Variants in CREB3L1 observed in about 807,000 individuals in gnomAD.
CREB3L1 encodes the protein cAMP responsive element binding protein 3 like 1, also known as cyclic AMP-responsive element-binding protein 3-like protein 1.
CREB3L1 carries 33 observed loss-of-function variants against 54.5 expected under a neutral mutation model. The ratio of observed to expected loss-of-function variants is 0.61; its 90% confidence interval spans 0.46 to 0.81. CREB3L1 has a LOEUF of 0.81. Ranked by LOEUF, CREB3L1 falls within the 30% of genes least tolerant of loss-of-function variation. The pLI, the probability that CREB3L1 is intolerant of heterozygous loss-of-function variation, is 0.00. For missense variants in CREB3L1, 656 were observed against 673.3 expected (o/e 0.97, Z 0.29); for synonymous variants, 284 against 286.4 (o/e 0.99, Z 0.08).
Position 46,312,919 on chromosome 11 carries a change from G to T in CREB3L1, c.1031G>T (p.Arg344Met), listed in dbSNP as rs760163690. ...KKVETLENANRTLLQQLQKLQ... is the reference protein window; with the variant it reads ...KKVETLENANMTLLQQLQKLQ... ...GTGGAGACCCTGGAGAATGCCAACAGGTGGGTAGTGCCTCCTGCATCCAAC... is the reference window on the plus strand; with the variant it reads ...GTGGAGACCCTGGAGAATGCCAACATGTGGGTAGTGCCTCCTGCATCCAAC... The change falls in exon 8 of 12, where the codon AGG (arginine) becomes ATG (methionine). Residue 344 changes from arginine to methionine, a missense_variant and splice_region_variant. This residue lies in a region of CREB3L1 where 77 missense variants were observed against 122.0 expected (regional missense o/e 0.63). Coordinates refer to ENST00000621158, the MANE Select transcript of CREB3L1 (RefSeq NM_052854.4). 4.1e-5 allele frequency: 64 copies of T among 1,579,352 alleles called. No homozygotes were observed. Among genetic ancestry groups the T allele is most frequent in the Non-Finnish European group, 3.9e-5 (45 of 1,163,020 alleles).
intron 1 of CREB3L1, among the ~76,000 whole-genome samples, chr11:46,293,725 A>G (rs564325642): frequency 2.0e-5 from 3 of 152,314 alleles, no homozygotes; most frequent in East Asian, 1.9e-4. Context: ...TGGTGTTCAC[A>G]TGACTCAGTC....
chr11:46,289,429 C>T (rs567529747), intron 1 of CREB3L1, among the ~76,000 whole-genome samples: 10 of 152,218 alleles, frequency 6.6e-5, no homozygotes, highest in African/African-American at 2.2e-4. Flanking sequence ...AGAAGGGTAA[C>T]GTTTAGAAGG....
At chr11:46,284,844 C>A (rs762155905) in intron 1 of CREB3L1, among the ~76,000 whole-genome samples, 11 of 152,166 alleles carry the variant, frequency 7.2e-5, no homozygotes, top group Non-Finnish European at 1.6e-4. Flanking sequence ...CCCTCTAGAG[C>A]AAGGAAAATT....
At chr11:46,319,858 GA>G (rs1939620560) in intron 10 of CREB3L1, among the ~76,000 whole-genome samples, 1 of 147,372 alleles carries the variant, frequency 6.8e-6, no homozygotes, top group Non-Finnish European at 1.5e-5. Context: ...CAGCCTGGGC[GA>G]CAGAGCAAGA....
rs569318714 is a variant in CREB3L1 at position 46,281,727 on chromosome 11, G to C, written c.102+3514G>C. Among the ~76,000 whole-genome samples the C allele has an allele frequency of 2.0e-5, 3 of 152,292 alleles. No individual in the cohort carries two copies. The South Asian group carries it at 6.2e-4, about 32-fold the overall frequency. On this transcript the variant is annotated intron_variant, in intron 1 of 11. Transcript: ENST00000621158. The stretch of plus-strand genomic sequence containing the variant: ...AGAGGCACCCCCACCCCCAGCCTTC[G>C]GGAGATTTAGGGAGATTAGAGAAGT...
At chr11:46,312,586 C>A (rs1394137305) in intron 6 of CREB3L1, 26 bp from the exon 7 acceptor site, 2 of 1,609,572 alleles carry the variant, frequency 1.2e-6, no homozygotes, top group Non-Finnish European at 1.7e-6. Context: ...CAGTGCTAAC[C>A]CTTGTTTTCG....
intron 2 of CREB3L1, 109 bp downstream of exon 2, chr11:46,300,272 C>CA (rs1167147763): frequency 2.0e-5 from 16 of 811,374 alleles, no homozygotes; most frequent in Non-Finnish European, 2.6e-5. Flanking sequence ...CCAGAGGCTC[C>CA]AAGAGGAGCC....
intron 1 of CREB3L1, among the ~76,000 whole-genome samples, chr11:46,293,470 A>G (rs1939159502): frequency 6.6e-6 from 1 of 152,238 alleles, no homozygotes; most frequent in Admixed American, 6.5e-5. Flanking sequence ...TACCAGTGTC[A>G]GGAGGGGCAA....
Position 46,320,921 on chromosome 11 carries a change from G to A in CREB3L1, c.*175G>A, listed in dbSNP as rs1182444895. The A allele has an allele frequency of 1.1e-5, 8 of 742,098 alleles. No individual in the cohort carries two copies. The highest frequency in any genetic ancestry group is 2.2e-4 in the Middle Eastern group (1 of 4,468). 46.0% of individuals were successfully genotyped at this position (742,098 alleles called of 1,614,324 possible). On this transcript the variant is annotated 3_prime_UTR_variant, in exon 12 of 12. Transcript: ENST00000621158. ...GACATTTGGACTCTTCCCTTGGGCC[G>A]ACCACTCTGTTCTCATTCTCCTTCC...
intron 10 of CREB3L1, among the ~76,000 whole-genome samples, chr11:46,319,253 G>A (rs1939611987): frequency 1.3e-5 from 2 of 152,168 alleles, no homozygotes; most frequent in South Asian, 4.1e-4. Flanking sequence ...CAGTTCCAGG[G>A]ACCTCTGTTC....
At chr11:46,291,507 C>T (rs1300806224) in intron 1 of CREB3L1, among the ~76,000 whole-genome samples, 3 of 152,216 alleles carry the variant, frequency 2.0e-5, no homozygotes, top group South Asian at 4.1e-4. Context: ...GTCCGTCTGA[C>T]TCCCTTGCTT....
chr11:46,317,311 C>T lies in CREB3L1; in HGVS notation c.1132-50C>T, dbSNP rs565713522. 23 of 1,609,530 alleles carry T rather than the reference C, an allele frequency of 1.4e-5. No homozygotes were observed. The Admixed American group carries it at 2.0e-4, about 14-fold the overall frequency. On this transcript the variant is annotated intron_variant, in intron 9 of 11. Transcript: ENST00000621158. ...AGAGGAGGAGTGGGGTGGTCAGGGC[C>T]GTGGCCCCTCCTTACCCCAGATCTG...
chr11:46,312,931 C>CT lies in CREB3L1; in HGVS notation c.1031+13dup, dbSNP rs1323463476. 2 of 1,568,522 alleles carry CT rather than the reference C, an allele frequency of 1.3e-6. No individual in the cohort carries two copies. The highest frequency in any genetic ancestry group is 1.7e-6 in the Non-Finnish European group (2 of 1,156,568). On this transcript the variant is annotated intron_variant, in intron 8 of 11. Coordinates refer to ENST00000621158, the MANE Select transcript of CREB3L1 (RefSeq NM_052854.4). ...GAGAATGCCAACAGGTGGGTAGTGCCTCCTGCATCCAACCTGGCCCCCTGC... is the reference window on the plus strand; with the variant it reads ...GAGAATGCCAACAGGTGGGTAGTGCCTTCCTGCATCCAACCTGGCCCCCTGC...
intron 1 of CREB3L1, among the ~76,000 whole-genome samples, chr11:46,296,580 A>G (rs1476080451): frequency 2.0e-5 from 3 of 152,206 alleles, no homozygotes; most frequent in Non-Finnish European, 4.4e-5. Context: ...GAGGCCAGGC[A>G]TCAGACGGAA....
Position 46,320,389 on chromosome 11 carries a change from C to T in CREB3L1, c.1384C>T (p.Arg462Trp), listed in dbSNP as rs929760986. 2.0e-5 allele frequency: 33 copies of T among 1,610,526 alleles called. No individual in the cohort carries two copies. Among genetic ancestry groups the T allele is most frequent in the East Asian group, 4.5e-5 (2 of 44,696 alleles). Residue 462 changes from arginine (R) to tryptophan (W), a missense_variant, in exon 11 of 12, where the codon CGG (arginine) becomes TGG (tryptophan). Arg to Trp is a moderately radical substitution (Grantham distance 101). This residue lies in a region of CREB3L1 where 240 missense variants were observed against 219.8 expected (regional missense o/e 1.09). Transcript: ENST00000621158. ...CAACCCCGGGGGGCCGGCAGAGCAGCGGCCCCGGGACCACCTGCAGCATGA... is the reference window on the plus strand; with the variant it reads ...CAACCCCGGGGGGCCGGCAGAGCAGTGGCCCCGGGACCACCTGCAGCATGA... ...EINPGGPAEQ[R>W]PRDHLQHDHL... is the part of the protein sequence containing the mutation.
In CREB3L1 at chr11:46,317,125, A is replaced by G. The variant is rs904630553; in HGVS notation, c.1132-236A>G. On this transcript the variant is annotated intron_variant, in intron 9 of 11. Coordinates refer to ENST00000621158, the MANE Select transcript of CREB3L1 (RefSeq NM_052854.4). Reference sequence around the variant, plus strand: ...CATTGGCCACTTCCCTCTTACTTCTAGCACTGCCTGTGGCGACCCCCCTAC... The same window carrying G: ...CATTGGCCACTTCCCTCTTACTTCTGGCACTGCCTGTGGCGACCCCCCTAC... Among the ~76,000 whole-genome samples, 6 of 152,062 alleles carry G rather than the reference A, an allele frequency of 3.9e-5. 1 individual carries two copies. Among genetic ancestry groups the G allele is most frequent in the Admixed American group, 3.9e-4 (6 of 15,278 alleles).
chr11:46,296,900 G>A (rs1423641837), intron 1 of CREB3L1, among the ~76,000 whole-genome samples: 1 of 152,188 alleles, frequency 6.6e-6, no homozygotes, highest in Non-Finnish European at 1.5e-5. Context: ...TTTCCTGTGG[G>A]CACCCTAAAA....
Position 46,312,354 on chromosome 11 carries a change from C to T in CREB3L1, c.783C>T (p.Leu261=), listed in dbSNP as rs943833221. 2 of 1,611,350 alleles carry T rather than the reference C, an allele frequency of 1.2e-6. No homozygotes were observed. The highest frequency in any genetic ancestry group is 1.7e-6 in the Non-Finnish European group (2 of 1,178,628). The change falls in exon 6 of 12, where the codon CTC becomes CTT. Residue 261 remains leucine, a synonymous_variant. Coordinates refer to ENST00000621158, the MANE Select transcript of CREB3L1 (RefSeq NM_052854.4). The part of the protein sequence containing the change: ...HKLQGTSGPL[L]LTEEEKRTLI... ...TACAGGGGACATCAGGGCCACTGCT[C>T]CTGACAGAGGAGGAGAAGCGGACCC...
intron 8 of CREB3L1, 62 bp from the exon 9 acceptor site, chr11:46,316,224 T>A: frequency 9.3e-7 from 1 of 1,072,426 alleles, no homozygotes; most frequent in Non-Finnish European, 1.4e-6. Flanking sequence ...CTAGGAGAGC[T>A]CCAGGAGGCA....
Sources: allele counts gnomAD v4.1 joint callset (sites outside exome capture counted in the v4.1 genomes callset), GRCh38; gene constraint gnomAD v4.1.1; regional missense constraint gnomAD v4.1.1; transcripts MANE v1.5; gene names NCBI Gene and HGNC (gene_info 2026-07-23, HGNC 2026-07-21).